Variants in RNMT observed in about 807,000 individuals in gnomAD.
RNMT encodes the protein mRNA cap guanine-N(7) methyltransferase.
A neutral mutation model predicts 56.0 loss-of-function variants in RNMT; 27 were observed. The ratio of observed to expected loss-of-function variants is 0.48; its 90% CI spans 0.36 to 0.67. The LOEUF (loss-of-function observed/expected upper bound fraction) is 0.67. RNMT is among the 30% of genes least tolerant of loss of function. The pLI is 0.00. For synonymous variants in RNMT, 184 were observed against 176.2 expected (o/e 1.04, Z -0.35); for missense variants, 519 against 552.1 (o/e 0.94, Z 0.60).
At chr18:13,750,508 T>C (rs2044422736) in intron 9 of RNMT, among the ~76,000 whole-genome samples, 1 of 152,098 alleles carries the variant, frequency 6.6e-6, no homozygotes, top group Non-Finnish European at 1.5e-5. Context: ...ATGATAAAAG[T>C]TGACCATAAG....
In RNMT at chr18:13,734,497, G is replaced by T. The variant is rs2044127079; in HGVS notation, c.451G>T (p.Ala151Ser). 6.2e-7 allele frequency: 1 copy of T among 1,613,392 alleles called. No individual in the cohort carries two copies. Among genetic ancestry groups the T allele is most frequent in the Admixed American group, 1.7e-5 (1 of 59,912 alleles). The change falls in exon 4 of 12, where the codon GCC becomes TCC. Residue 151 changes from alanine to serine, a missense_variant. By Grantham distance (99) the Ala-to-Ser change is moderately conservative. Transcript: ENST00000383314. ...LEEGHSSTVA[A>S]HYNELQEVGL... ...AGAAGGACACAGCTCAACAGTGGCT[G>T]CCCATTACAATGAACTTCAGGAAGT...
intron 3 of RNMT, among the ~76,000 whole-genome samples, chr18:13,733,088 C>T (rs2044100584): frequency 1.3e-5 from 2 of 151,974 alleles, no homozygotes; most frequent in African/African-American, 4.8e-5. Flanking sequence ...ACATAGTTTT[C>T]AAACTTTTAC....
intron 1 of RNMT, among the ~76,000 whole-genome samples, chr18:13,729,052 C>A (rs564363092): frequency 1.3e-5 from 2 of 152,278 alleles, no homozygotes; most frequent in African/African-American, 4.8e-5. Flanking sequence ...TTTGCCCAGA[C>A]CAGTGTCTTG....
Position 13,760,008 on chromosome 18 carries a change from G to A in RNMT, c.*29G>A, listed in dbSNP as rs757890413. The A allele has an allele frequency of 1.5e-5, 24 of 1,611,416 alleles. No individual in the cohort carries two copies. Among genetic ancestry groups the A allele is most frequent in the Non-Finnish European group, 2.0e-5 (23 of 1,178,524 alleles). On this transcript the variant is annotated 3_prime_UTR_variant, in exon 12 of 12. Transcript: ENST00000383314. Reference sequence around the variant, plus strand: ...CATAGGCAGTAGTCCCAGAGGGGCCGTGTTCTGTCCTGCACAAATTTGAAC... The same window carrying A: ...CATAGGCAGTAGTCCCAGAGGGGCCATGTTCTGTCCTGCACAAATTTGAAC...
Position 13,760,288 on chromosome 18 carries a change from C to T in RNMT, c.*309C>T. On this transcript the variant is annotated 3_prime_UTR_variant, in exon 12 of 12. Transcript: ENST00000383314. ...TATGACTTGATAAAGCAACTAAACT[C>T]TTTCCACAGTGTTCAGATTTGTCCT... The T allele has an allele frequency of 4.6e-6, 5 of 1,098,366 alleles. No individual in the cohort carries two copies. In the South Asian group the frequency reaches 1.4e-4, roughly 31 times the overall value. The allele number at this position is 1,098,366 out of a possible 1,614,324, so 68.0% of individuals were successfully genotyped here. A position where few individuals can be genotyped will look rare whatever the true frequency, so the allele number is the denominator to read the frequency against.
intron 5 of RNMT, 130 bp downstream of exon 5, chr18:13,737,265 T>A: frequency 1.3e-6 from 1 of 797,758 alleles, no homozygotes; most frequent in Non-Finnish European, 1.9e-6. Context: ...AATTACGGCC[T>A]GACGCGGTGG....
intron 8 of RNMT, among the ~76,000 whole-genome samples, chr18:13,743,329 A>AAAT (rs2044285682): frequency 6.3e-5 from 2 of 31,830 alleles, no homozygotes; most frequent in South Asian, 7.8e-4. Context: ...TCTCAAAAAA[A>AAAT]AAATAAATAA....
rs1238934808 is a variant in RNMT, at chr18:13,762,226, G to A, written c.*2247G>A. ...GAATGACGGAACTGGGGATTGCGAT[G>A]ATTGATCTGGGAACATGGCTGGATT... On this transcript the variant is annotated 3_prime_UTR_variant, in exon 12 of 12. Transcript: ENST00000383314. 1 of 1,435,006 alleles carries A rather than the reference G, an allele frequency of 7.0e-7. No individual in the cohort carries two copies. The highest frequency in any genetic ancestry group is 1.4e-5 in the African/African-American group (1 of 70,542). The allele number at this position is 1,435,006 out of a possible 1,614,324, so 88.9% of individuals were successfully genotyped here. A position where few individuals can be genotyped will look rare whatever the true frequency, so the allele number is the denominator to read the frequency against.
In RNMT at chr18:13,744,159, C is replaced by CTTTTTT. The variant is rs201093998; in HGVS notation, c.1139+1528_1139+1533dup. Among the ~76,000 whole-genome samples, 14 of 91,422 alleles carry CTTTTTT rather than the reference C, an allele frequency of 1.5e-4. 2 individuals are homozygous for CTTTTTT. Among genetic ancestry groups the CTTTTTT allele is most frequent in the African/African-American group, 6.9e-4 (13 of 18,910 alleles). 60.0% of individuals were successfully genotyped at this position (91,422 alleles called of 152,430 possible). The stretch of plus-strand genomic sequence containing the variant: ...ATGCTAAACAAGACCTAGCGGTCTT[C>CTTTTTT]TTTTTTTTTTTTTTTTTTTTTTTTT... On this transcript the variant is annotated intron_variant, in intron 8 of 11. Coordinates refer to ENST00000383314, the MANE Select transcript of RNMT (RefSeq NM_003799.3).
chr18:13,749,559 T>C (rs1013709854), intron 9 of RNMT, among the ~76,000 whole-genome samples: 4 of 152,250 alleles, frequency 2.6e-5, no homozygotes, highest in African/African-American at 9.6e-5. Flanking sequence ...TAGGGAGTTG[T>C]ACGTTTAAAG....
intron 9 of RNMT, among the ~76,000 whole-genome samples, chr18:13,748,552 C>T (rs999987654): frequency 6.6e-6 from 1 of 152,130 alleles, no homozygotes; most frequent in African/African-American, 2.4e-5. Context: ...TGATATTTGT[C>T]CCAAAAAGTC....
At chr18:13,729,592 T>C (rs1284192) in intron 1 of RNMT, among the ~76,000 whole-genome samples, 130,291 of 152,026 alleles carry the variant, frequency 0.86, 55,928 homozygotes, top group East Asian at 0.95. Context: ...GTTGTTGTTC[T>C]CTGATTCAGT....
chr18:13,733,334 C>T (rs1028501376), intron 3 of RNMT, among the ~76,000 whole-genome samples: 1 of 152,096 alleles, frequency 6.6e-6, no homozygotes, highest in African/African-American at 2.4e-5. Flanking sequence ...TATATAATAG[C>T]ATTATTATAA....
intron 11 of RNMT, among the ~76,000 whole-genome samples, chr18:13,758,093 G>A (rs144564850): frequency 2.4e-4 from 37 of 152,284 alleles, no homozygotes; most frequent in African/African-American, 7.2e-4. Flanking sequence ...TCAGTAAACC[G>A]TGATGTGAAC....
At position 13,731,502 on chromosome 18, in the gene RNMT, A is replaced by G. The variant is rs751533360; in HGVS notation, c.-16A>G. 9 of 1,570,538 alleles carry G rather than the reference A, an allele frequency of 5.7e-6. No homozygotes were observed. The East Asian group carries it at 6.7e-5, about 12-fold the overall frequency. On this transcript the variant is annotated 5_prime_UTR_variant, in exon 3 of 12. Transcript: ENST00000383314. ...GTTGGTTCATGAAGTTTTACCATCA[A>G]TTCAAGTAATCATAAATGGCAAATT...
intron 4 of RNMT, among the ~76,000 whole-genome samples, chr18:13,736,248 C>T (rs1289545511): frequency 1.3e-5 from 2 of 152,178 alleles, no homozygotes; most frequent in South Asian, 2.1e-4. Context: ...AAATAATACA[C>T]ACCTGAAAGT....
intron 10 of RNMT, among the ~76,000 whole-genome samples, chr18:13,753,343 T>C (rs1203460444): frequency 6.6e-6 from 1 of 152,084 alleles, no homozygotes; most frequent in East Asian, 1.9e-4. Context: ...CGGGCCCCTA[T>C]AGTCCCAGCT....
Position 13,761,464 on chromosome 18 carries a change from A to G in RNMT, c.*1485A>G. The G allele has an allele frequency of 1.0e-6, 1 of 986,202 alleles. No individual in the cohort carries two copies. Among genetic ancestry groups the G allele is most frequent in the Non-Finnish European group, 1.2e-6 (1 of 830,468 alleles). The allele number at this position is 986,202 out of a possible 1,614,324, so 61.1% of individuals were successfully genotyped here. ...ATATTGATAGCTTTGTAGGTACAGG[A>G]AAAACATCATCATTATTTCCTCTGT... On this transcript the variant is annotated 3_prime_UTR_variant, in exon 12 of 12. Transcript: ENST00000383314.
chr18:13,734,342 C>T (rs1602000381), intron 3 of RNMT, 122 bp from the exon 4 acceptor site: 1 of 809,644 alleles, frequency 1.2e-6, no homozygotes, highest in East Asian at 2.8e-5. Context: ...TGGTTAATTG[C>T]CATTGTTTAG....
Sources: allele counts gnomAD v4.1 joint callset (sites outside exome capture counted in the v4.1 genomes callset), GRCh38; gene constraint gnomAD v4.1.1; transcripts MANE v1.5; gene names NCBI Gene and HGNC (gene_info 2026-07-23, HGNC 2026-07-21).